Variants in RASAL1 observed in about 807,000 individuals in gnomAD.
RASAL1 encodes the protein RAS protein activator like 1, also known as rasGAP-activating-like protein 1.
Under a neutral mutation model 96.6 loss-of-function variants are expected in RASAL1, and 72 were observed. The observed-to-expected ratio is 0.75, with a 90% CI of 0.62 to 0.91. The LOEUF is 0.91. RASAL1 is among the 40% of genes least tolerant of loss of function. The pLI, the probability that RASAL1 is intolerant of heterozygous loss-of-function variation, is 0.00. For synonymous variants in RASAL1, 405 were observed against 430.4 expected, an observed-to-expected ratio of 0.94 and a Z score of 0.73; for missense variants, 1,016 against 1,072.5, an observed-to-expected ratio of 0.95 and a Z score of 0.74.
Position 113,101,399 on chromosome 12 carries a change from G to C in RASAL1, c.2225+490C>G, listed in dbSNP as rs543772213. Among the ~76,000 whole-genome samples the C allele has an allele frequency of 4.6e-5, 7 of 152,258 alleles. No individual in the cohort carries two copies. In the East Asian group the frequency reaches 1.2e-3, roughly 25 times the overall value. The stretch of plus-strand genomic sequence containing the variant: ...CCACTGCACTCCAGCCTGGGCAACA[G>C]AGCCAGACTCTGTCTAAGTAAATAA... On this transcript the variant is annotated intron_variant, in intron 19 of 20. Coordinates refer to ENST00000548055, the MANE Select transcript of RASAL1 (RefSeq NM_001301202.2).
rs1373005231 is a variant in RASAL1, at chr12:113,130,342, G to A, written c.122+543C>T. On this transcript the variant is annotated intron_variant, in intron 2 of 20. Transcript: ENST00000548055. This position sits in a 1 kb window ranked among gnomAD's most constrained non-coding sequence, Gnocchi z 5.1. ...ATTGGTGTTCACATGCATGTGCAGG[G>A]CAGCCATGTGCACGTGCATGTACAT... 6.6e-6 allele frequency among the ~76,000 whole-genome samples: 1 copy of A among 152,180 alleles called. No individual in the cohort carries two copies. The highest frequency in any genetic ancestry group is 1.5e-5 in the Non-Finnish European group (1 of 68,020).
Position 113,103,978 on chromosome 12 carries a change from C to G in RASAL1, c.2072G>C (p.Arg691Pro). Residue 691 changes from arginine to proline, a missense_variant, in exon 18 of 21, where the codon CGC becomes CCC. Physicochemically the swap from Arg to Pro is moderately radical, Grantham distance 103. Coordinates refer to ENST00000548055, the MANE Select transcript of RASAL1 (RefSeq NM_001301202.2). ...ACHPGAFRSA[R>P]WTCCLQAERS... is the part of the protein sequence containing the mutation. ...CTCAGCCTGGAGGCAGCAGGTCCAG[C>G]GCGCGCTGCGGAAGGCACCGGGGTG... 6.4e-7 allele frequency: 1 copy of G among 1,564,882 alleles called. No homozygotes were observed. Among genetic ancestry groups the G allele is most frequent in the South Asian group, 1.2e-5 (1 of 85,494 alleles).
intron 18 of RASAL1, chr12:113,103,174 TTTATATATTA>T (rs1950510835): frequency 6.5e-6 from 1 of 153,800 alleles, no homozygotes; most frequent in African/African-American, 2.4e-5. Context: ...ATGTCATTAT[TTTATATATTA>T]TTTTATATAT....
chr12:113,112,062 C>G, intron 13 of RASAL1, 24 bp downstream of exon 13: 1 of 1,236,294 alleles, frequency 8.1e-7, no homozygotes, highest in Non-Finnish European at 1.0e-6. Flanking sequence ...CTGTCCCCAG[C>G]CTCAGCCTCC....
At chr12:113,100,220 T>C (rs1950392994) in intron 20 of RASAL1, 152 bp from the exon 21 acceptor site, 1 of 939,174 alleles carries the variant, frequency 1.1e-6, no homozygotes, top group African/African-American at 1.7e-5. Flanking sequence ...TGTGGCCTGA[T>C]AATGGACTGG....
chr12:113,134,599 G>T (rs563781601), intron 1 of RASAL1, among the ~76,000 whole-genome samples: 1 of 152,312 alleles, frequency 6.6e-6, no homozygotes, highest in South Asian at 2.1e-4. Context: ...CACACCTGTC[G>T]CAGGTGCTAA....
Position 113,112,066 on chromosome 12 carries a change from A to T in RASAL1, c.1374+20T>A. On this transcript the variant is annotated intron_variant, in intron 13 of 20. Transcript: ENST00000548055. ...CAAGCTCCGGCCTGTCCCCAGCCTC[A>T]GCCTCCCATCCTGGCGCACCTGGTG... 8.1e-7 allele frequency: 1 copy of T among 1,236,748 alleles called. No homozygotes were observed. The highest frequency in any genetic ancestry group is 1.0e-6 in the Non-Finnish European group (1 of 988,744). The allele number at this position is 1,236,748 out of a possible 1,614,324, so 76.6% of individuals were successfully genotyped here. A position where few individuals can be genotyped will look rare whatever the true frequency, so the allele number is the denominator to read the frequency against.
chr12:113,119,519 C>A (rs1347493158), intron 5 of RASAL1, 76 bp from the exon 6 acceptor site: 27 of 1,354,492 alleles, frequency 2.0e-5, no homozygotes, highest in Admixed American at 2.0e-4. Flanking sequence ...AAGAGTAGAT[C>A]ATTCCAATGT....
At chr12:113,106,827 G>A (rs144308437) in intron 15 of RASAL1, among the ~76,000 whole-genome samples, 157 of 152,200 alleles carry the variant, frequency 1.0e-3, no homozygotes, top group African/African-American at 3.6e-3. Flanking sequence ...TTTAGTAAGC[G>A]CTTAATAGAT....
intron 15 of RASAL1, among the ~76,000 whole-genome samples, chr12:113,106,388 T>C (rs1950647675): frequency 6.6e-6 from 1 of 152,254 alleles, no homozygotes; most frequent in African/African-American, 2.4e-5. Context: ...CAAATCATCC[T>C]GTGATTCTGT....
intron 18 of RASAL1, chr12:113,103,021 C>T: frequency 3.4e-6 from 1 of 291,566 alleles, no homozygotes; most frequent in South Asian, 2.9e-5. Context: ...CTCCAGGAAG[C>T]CCTCCTTGAG....
At chr12:113,104,120 C>G in intron 17 of RASAL1, 39 bp from the exon 18 acceptor site, 1 of 1,587,296 alleles carries the variant, frequency 6.3e-7, no homozygotes, top group Non-Finnish European at 8.6e-7. Flanking sequence ...CGGGTGGGAA[C>G]AGAGGGACGC....
Position 113,101,992 on chromosome 12 carries a change from T to C in RASAL1, c.2122A>G (p.Thr708Ala). 6.2e-7 allele frequency: 1 copy of C among 1,613,960 alleles called. No homozygotes were observed. The highest frequency in any genetic ancestry group is 1.7e-5 in the Admixed American group (1 of 60,004). The change falls in exon 19 of 21, where the codon ACA (threonine) becomes GCA (alanine). Residue 708 changes from threonine (T) to alanine (A), a missense_variant. Physicochemically the swap from Thr to Ala is moderately conservative, Grantham distance 58. Coordinates refer to ENST00000548055, the MANE Select transcript of RASAL1 (RefSeq NM_001301202.2). ...AERSAAGCSR[T>A]HSAVTLGDWS... ...TCCCCCAGGGTGACAGCTGAGTGTG[T>C]ACGGCTGCAGCCGGCGGCTGAGGGA...
In RASAL1 at chr12:113,104,193, C is replaced by G; in HGVS notation, c.1936G>C (p.Gly646Arg). The G allele has an allele frequency of 6.2e-7, 1 of 1,612,100 alleles. No homozygotes were observed. The highest frequency in any genetic ancestry group is 8.5e-7 in the Non-Finnish European group (1 of 1,179,226). Reference protein sequence around the residue: ...VMQVVTQDGTGALHTTYLQCK... With the variant: ...VMQVVTQDGTRALHTTYLQCK... Reference sequence around the variant, plus strand: ...TGGAGGTAGGTGGTGTGCAGCGCCCCCGTGCCGTCCTGCGTCACCACCTGC... The same window carrying G: ...TGGAGGTAGGTGGTGTGCAGCGCCCGCGTGCCGTCCTGCGTCACCACCTGC... The change falls in exon 17 of 21, where the codon GGG (glycine) becomes CGG (arginine). Residue 646 changes from glycine to arginine, a missense_variant. Gly to Arg is a moderately radical substitution (Grantham distance 125, BLOSUM62 -2). Transcript: ENST00000548055.
chr12:113,100,855 C>A (rs933188077), intron 19 of RASAL1, among the ~76,000 whole-genome samples, 175 bp from the exon 20 acceptor site: 1 of 152,180 alleles, frequency 6.6e-6, no homozygotes, highest in Non-Finnish European at 1.5e-5. Flanking sequence ...TATTCTAAAC[C>A]TTTTACATGT....
At chr12:113,108,000 G>T in intron 14 of RASAL1, 85 bp downstream of exon 14, 1 of 1,459,472 alleles carries the variant, frequency 6.9e-7, no homozygotes, top group Non-Finnish European at 9.1e-7. Context: ...TGGGTCTTCT[G>T]TGGGTCTGGC....
chr12:113,107,303 G>C, intron 14 of RASAL1, 62 bp from the exon 15 acceptor site: 1 of 1,490,040 alleles, frequency 6.7e-7, no homozygotes, highest in Non-Finnish European at 9.0e-7. Flanking sequence ...GGCCCCTCCT[G>C]GCTCCCAAAT....
Position 113,107,174 on chromosome 12 carries a change from A to T in RASAL1, c.1580T>A (p.Leu527Gln), listed in dbSNP as rs1433321558. 2 of 1,613,712 alleles carry T rather than the reference A, an allele frequency of 1.2e-6. No individual in the cohort carries two copies. Among genetic ancestry groups the T allele is most frequent in the East Asian group, 2.2e-5 (1 of 44,886 alleles). ...GQGKELWMAP[L>Q]HPFLLQCVSR... ...GACACACTGCAGCAGGAAGGGGTGC[A>T]GGGGGGCCATCCACAGTTCCTTGCC... The change falls in exon 15 of 21, where the codon CTG becomes CAG. Residue 527 changes from leucine to glutamine, a missense_variant. Physicochemically the swap from Leu to Gln is moderately radical, Grantham distance 113. Transcript: ENST00000548055.
rs540332771 is a variant in RASAL1, at chr12:113,129,213, T to G, written c.123-1035A>C. On this transcript the variant is annotated intron_variant, in intron 2 of 20. Coordinates refer to ENST00000548055, the MANE Select transcript of RASAL1 (RefSeq NM_001301202.2). The surrounding 1 kb of genome is among the most constrained non-coding windows in gnomAD (Gnocchi z 5.0). ...TGGGGTTAGCTCAATCGCCCCTGGT[T>G]GGGTCGTGGGGGTAGGGTCGGAGGG... 6.6e-6 allele frequency among the ~76,000 whole-genome samples: 1 copy of G among 152,244 alleles called. No homozygotes were observed. Among genetic ancestry groups the G allele is most frequent in the South Asian group, 2.1e-4 (1 of 4,830 alleles).
Sources: gnomAD v4.1 joint callset for allele counts (sites outside exome capture counted in the v4.1 genomes callset) on GRCh38, gnomAD v4.1.1 for gene constraint, Gnocchi (gnomAD v3.1) non-coding constraint, MANE v1.5 for transcripts, NCBI Gene and HGNC (gene_info 2026-07-23, HGNC 2026-07-21) for gene names.